PEBP4: variants seen among roughly 807,000 people sequenced by gnomAD.
PEBP4 encodes the protein phosphatidylethanolamine binding protein 4.
In PEBP4, 22 loss-of-function variants were observed where a neutral mutation model predicts 23.9. The observed-to-expected ratio is 0.92, with a 90% CI of 0.66 to 1.31. The LOEUF is 1.31. Ranked by LOEUF, PEBP4 falls within the 40% of genes most tolerant of loss-of-function variation. PEBP4 has a pLI of 0.00. For missense variants in PEBP4, 324 were observed against 281.7 expected (o/e 1.15, Z -1.07); for synonymous variants, 112 against 99.3 (o/e 1.13, Z -0.76).
upstream of PEBP4, among the ~76,000 whole-genome samples, chr8:22,928,335 A>G (rs1809396691): frequency 6.6e-6 from 1 of 152,210 alleles, no homozygotes; most frequent in African/African-American, 2.4e-5. Context: ...GGTGCACCCC[A>G]GACCGAGGCC....
chr8:22,737,341 G>A (rs950301499), intron 4 of PEBP4, among the ~76,000 whole-genome samples: 16 of 151,118 alleles, frequency 1.1e-4, no homozygotes, highest in Non-Finnish European at 2.2e-4. Flanking sequence ...GAGCCATTCA[G>A]GCTTCCACCT....
chr8:22,929,995 G>T (rs991949942), upstream of PEBP4, among the ~76,000 whole-genome samples: 3 of 152,154 alleles, frequency 2.0e-5, no homozygotes, highest in Admixed American at 6.5e-5. Context: ...GAGCCACCGC[G>T]CCCAGCCCAG....
At chr8:22,884,667 C>T (rs750388607) in intron 3 of PEBP4, 1 of 152,214 alleles carries the variant, frequency 6.6e-6, no homozygotes, top group African/African-American at 2.4e-5. Flanking sequence ...TCCCCCAGCC[C>T]GGGGTGCTTT....
chr8:22,832,619 G>C (rs1038693389), intron 3 of PEBP4, among the ~76,000 whole-genome samples: 1 of 152,172 alleles, frequency 6.6e-6, no homozygotes, highest in African/African-American at 2.4e-5. Flanking sequence ...GGGAGTCTTT[G>C]CGTGTCTGCC....
chr8:22,749,810 T>TTTTTTTTTTTTTTTTTTTTTTA, intron 4 of PEBP4, among the ~76,000 whole-genome samples: 1 of 133,678 alleles, frequency 7.5e-6, no homozygotes, highest in Non-Finnish European at 1.7e-5. Flanking sequence ...TCATTCTTTT[T>TTTTTTTTTTTTTTTTTTTTTTA]TTTTTTTTTT....
chr8:22,792,070 G>T (rs1320726737), intron 4 of PEBP4, among the ~76,000 whole-genome samples: 1 of 150,772 alleles, frequency 6.6e-6, no homozygotes, highest in Non-Finnish European at 1.5e-5. Flanking sequence ...TGTTGCCCAG[G>T]CTGGTCTGGA....
At chr8:22,743,621 G>A (rs1479282817) in intron 4 of PEBP4, among the ~76,000 whole-genome samples, 3 of 152,190 alleles carry the variant, frequency 2.0e-5, no homozygotes, top group African/African-American at 7.2e-5. Context: ...TTGAGACAAA[G>A]TGAGGAATTT....
intron 4 of PEBP4, among the ~76,000 whole-genome samples, chr8:22,802,237 C>T (rs1806398962): frequency 6.6e-6 from 1 of 152,218 alleles, no homozygotes; most frequent in Admixed American, 6.5e-5. Flanking sequence ...CTGATCTCTC[C>T]ACACCAGCTC....
chr8:22,869,611 T>C (rs762901762), intron 3 of PEBP4, among the ~76,000 whole-genome samples: 1 of 152,114 alleles, frequency 6.6e-6, no homozygotes, highest in African/African-American at 2.4e-5. Context: ...GGAACAAAAC[T>C]GAAGGAGGCC....
Position 22,741,114 on chromosome 8 carries a change from C to G in PEBP4, c.358-13894G>C, listed in dbSNP as rs150751660. Among the ~76,000 whole-genome samples, 44 of 152,194 alleles carry G rather than the reference C, an allele frequency of 2.9e-4. No homozygotes were observed. The East Asian group carries it at 7.9e-3, about 27-fold the overall frequency. The stretch of plus-strand genomic sequence containing the variant: ...ACCAGATGAGGGTGCGGGGCAGCCC[C>G]GGTGTGCAGGTCAGGATCAACTCTA... On this transcript the variant is annotated intron_variant, in intron 4 of 6. Transcript: ENST00000256404.
chr8:22,751,523 G>T lies in PEBP4; in HGVS notation c.358-24303C>A, dbSNP rs1288516829. ...TTCTCCTAAATCGGTGGTAGATAGA[G>T]AGGCCCCAAATCATTGCTGGGCTGC... On this transcript the variant is annotated intron_variant, in intron 4 of 6. Transcript: ENST00000256404. Among the ~76,000 whole-genome samples, 7 of 152,180 alleles carry T rather than the reference G, an allele frequency of 4.6e-5. No individual in the cohort carries two copies. In the East Asian group the frequency reaches 1.4e-3, roughly 29 times the overall value.
chr8:22,928,249 T>G (rs1809394588), upstream of PEBP4, among the ~76,000 whole-genome samples: 1 of 152,208 alleles, frequency 6.6e-6, no homozygotes, highest in Admixed American at 6.5e-5. Flanking sequence ...CTCCACAGCC[T>G]GTGAGCTTCC....
intron 3 of PEBP4, among the ~76,000 whole-genome samples, chr8:22,877,721 C>T (rs1041041800): frequency 1.3e-5 from 2 of 152,092 alleles, no homozygotes; most frequent in Non-Finnish European, 2.9e-5. Flanking sequence ...TGTGGGCAGC[C>T]GGGGGCTTTC....
At chr8:22,858,109 G>A (rs531158584) in intron 3 of PEBP4, among the ~76,000 whole-genome samples, 14 of 152,168 alleles carry the variant, frequency 9.2e-5, no homozygotes, top group Non-Finnish European at 5.9e-5. Flanking sequence ...CTAAGGCGGG[G>A]TCCTCTCCAT....
chr8:22,732,311 AG>A (rs1804754793), intron 4 of PEBP4, among the ~76,000 whole-genome samples: 1 of 152,228 alleles, frequency 6.6e-6, no homozygotes, highest in African/African-American at 2.4e-5. Flanking sequence ...TAAGAAAAAT[AG>A]TAGTCATCAC....
intron 4 of PEBP4, among the ~76,000 whole-genome samples, chr8:22,762,439 C>T (rs1050916376): frequency 1.3e-5 from 2 of 152,202 alleles, no homozygotes; most frequent in African/African-American, 4.8e-5. Flanking sequence ...CAGAATTCTG[C>T]TCCATCAGTT....
At chr8:22,880,040 T>G (rs955115296) in intron 3 of PEBP4, among the ~76,000 whole-genome samples, 11 of 152,154 alleles carry the variant, frequency 7.2e-5, no homozygotes, top group Non-Finnish European at 1.5e-4. Flanking sequence ...GCCACATGCA[T>G]CCAAATTTGG....
intron 4 of PEBP4, among the ~76,000 whole-genome samples, chr8:22,760,669 A>G (rs1180927056): frequency 6.6e-6 from 1 of 152,116 alleles, no homozygotes; most frequent in Admixed American, 6.5e-5. Context: ...GGCCTGTACC[A>G]TGCCATTTTG....
chr8:22,765,730 C>T (rs1031411248), intron 4 of PEBP4, among the ~76,000 whole-genome samples: 39 of 152,272 alleles, frequency 2.6e-4, no homozygotes, highest in Non-Finnish European at 2.8e-4. Flanking sequence ...AACAGATATT[C>T]GCTCCACGCT....
Sources: gnomAD v4.1 joint callset for allele counts (sites outside exome capture counted in the v4.1 genomes callset) on GRCh38, gnomAD v4.1.1 for gene constraint, MANE v1.5 for transcripts, NCBI Gene and HGNC (gene_info 2026-07-23, HGNC 2026-07-21) for gene names.